The following GTF2F2 variants were observed in gnomAD, a reference collection of about 807,000 sequenced individuals.
GTF2F2 encodes general transcription factor IIF subunit 2.
GTF2F2 carries 23 observed loss-of-function variants against 42.2 expected under a neutral mutation model. That is an observed-to-expected ratio of 0.55 (90% CI 0.39 to 0.77). GTF2F2 has a LOEUF of 0.77. Among genes scored for constraint, GTF2F2 ranks in the 30% least tolerant of loss-of-function variants. The probability of loss-of-function intolerance (pLI) is 0.00; values close to 1 mark genes in which losing one functional copy is unlikely to be tolerated. For synonymous variants in GTF2F2, 105 were observed against 100.8 expected (o/e 1.04, Z -0.25); for missense variants, 261 against 287.2 (o/e 0.91, Z 0.66).
chr13:45,125,558 G>A (rs1217943416), intron 1 of GTF2F2, among the ~76,000 whole-genome samples: 4 of 152,132 alleles, frequency 2.6e-5, no homozygotes, highest in African/African-American at 9.7e-5. Flanking sequence ...GACCTCGTTC[G>A]TGATCTGCCC....
intron 6 of GTF2F2, among the ~76,000 whole-genome samples, chr13:45,259,225 G>A (rs951551579): frequency 6.6e-6 from 1 of 152,088 alleles, no homozygotes; most frequent in African/African-American, 2.4e-5. Context: ...TCAGAAGTTC[G>A]AGACCAGCCT....
At chr13:45,160,331 A>G (rs1158840435) in intron 4 of GTF2F2, among the ~76,000 whole-genome samples, 1 of 152,234 alleles carries the variant, frequency 6.6e-6, no homozygotes, top group African/African-American at 2.4e-5. Context: ...AGGGAGGAGT[A>G]ATTAGTAGCA....
intron 7 of GTF2F2, among the ~76,000 whole-genome samples, chr13:45,268,097 A>T (rs762313941): frequency 6.6e-6 from 1 of 152,122 alleles, no homozygotes; most frequent in Non-Finnish European, 1.5e-5. Flanking sequence ...TTTGAGTCAC[A>T]TTGTTTTCCA....
chr13:45,205,498 A>G (rs945469896), intron 4 of GTF2F2, among the ~76,000 whole-genome samples: 3 of 152,120 alleles, frequency 2.0e-5, no homozygotes, highest in Non-Finnish European at 4.4e-5. Context: ...AATTATTTGC[A>G]GGGATAGTAG....
intron 5 of GTF2F2, among the ~76,000 whole-genome samples, chr13:45,232,849 G>A (rs894976337): frequency 3.3e-5 from 5 of 152,114 alleles, no homozygotes; most frequent in African/African-American, 1.2e-4. Context: ...TAGTGTAAGT[G>A]TGTACTTTGC....
intron 4 of GTF2F2, among the ~76,000 whole-genome samples, chr13:45,185,674 A>G (rs60422159): frequency 0.1 from 15,669 of 152,242 alleles, 948 homozygotes; most frequent in East Asian, 0.23. Context: ...TAATATATGC[A>G]TATTCCAGAA....
chr13:45,239,282 G>A (rs1042808717), intron 5 of GTF2F2, among the ~76,000 whole-genome samples: 5 of 152,194 alleles, frequency 3.3e-5, no homozygotes, highest in Non-Finnish European at 5.9e-5. Flanking sequence ...AGGAAACTAC[G>A]TAAGATAGTA....
chr13:45,252,913 A>G lies in GTF2F2; in HGVS notation c.429A>G (p.Gln143=). 1 of 1,512,788 alleles carries G rather than the reference A, an allele frequency of 6.6e-7. No individual in the cohort carries two copies. The highest frequency in any genetic ancestry group is 8.8e-7 in the Non-Finnish European group (1 of 1,137,632). The allele number at this position is 1,512,788 out of a possible 1,614,324, so 93.7% of individuals were successfully genotyped here. ...EESSKPVRLS[Q]QLDKVVTTNY... ...CTTCCAAACCAGTGAGGCTATCACA[A>G]CAGCTGGACAAAGTTGTAACAACCA... Residue 143 remains glutamine (Q), a synonymous_variant, in exon 6 of 8, where the codon CAA becomes CAG. Coordinates refer to ENST00000340473, the MANE Select transcript of GTF2F2 (RefSeq NM_004128.3).
intron 4 of GTF2F2, among the ~76,000 whole-genome samples, chr13:45,170,037 A>G (rs971388099): frequency 6.6e-6 from 1 of 152,032 alleles, no homozygotes; most frequent in African/African-American, 2.4e-5. Flanking sequence ...TTATTTATTT[A>G]TTTAGAGACA....
chr13:45,207,005 A>AACACAC (rs10547539), intron 4 of GTF2F2: 10,306 of 139,212 alleles, frequency 0.074, 695 homozygotes, highest in African/African-American at 0.17. Context: ...CACATACACA[A>AACACAC]ACACACACAC....
rs183541796 is a variant in GTF2F2, at chr13:45,196,166, A to G, written c.305-11258A>G. ...TAACATTTATGTATTATTGAGATCAAAAGTTCGTTGAAATCGAACTAGAAA... is the reference window on the plus strand; with the variant it reads ...TAACATTTATGTATTATTGAGATCAGAAGTTCGTTGAAATCGAACTAGAAA... On this transcript the variant is annotated intron_variant, in intron 4 of 7. Transcript: ENST00000340473. 2.6e-5 allele frequency among the ~76,000 whole-genome samples: 4 copies of G among 152,362 alleles called. No individual in the cohort carries two copies. The East Asian group carries it at 7.7e-4, about 29-fold the overall frequency.
intron 2 of GTF2F2, among the ~76,000 whole-genome samples, chr13:45,140,479 T>C (rs1869871066): frequency 6.6e-6 from 1 of 152,232 alleles, no homozygotes; most frequent in Non-Finnish European, 1.5e-5. Context: ...TCACTGAATC[T>C]TCTGACTTTA....
In GTF2F2 at chr13:45,136,789, G is replaced by GA. The variant is rs752227528; in HGVS notation, c.126dup (p.Leu43ThrfsTer11). 6.3e-7 allele frequency: 1 copy of GA among 1,588,104 alleles called. No homozygotes were observed. The highest frequency in any genetic ancestry group is 1.1e-5 in the South Asian group (1 of 90,098). On this transcript the variant is annotated frameshift_variant, in exon 2 of 8. Coordinates refer to ENST00000340473, the MANE Select transcript of GTF2F2 (RefSeq NM_004128.3). LOFTEE classifies it high-confidence loss of function. ...AAGCCTCTGGAAGAGGTGAAGTTGG[G>GA]AAACTGCGGATTGCCAAGTAAGTTA...
chr13:45,211,968 C>T (rs187482365), intron 5 of GTF2F2, among the ~76,000 whole-genome samples: 1 of 152,002 alleles, frequency 6.6e-6, no homozygotes, highest in Non-Finnish European at 1.5e-5. Context: ...CACACACACA[C>T]ACGCACACAC....
intron 7 of GTF2F2, among the ~76,000 whole-genome samples, chr13:45,272,303 T>C (rs944845781): frequency 2.0e-5 from 3 of 151,138 alleles, no homozygotes; most frequent in Non-Finnish European, 2.9e-5. Flanking sequence ...ATTTATAAAA[T>C]TTTAATACTT....
intron 7 of GTF2F2, among the ~76,000 whole-genome samples, chr13:45,280,619 C>G (rs1467146488): frequency 6.6e-6 from 1 of 152,012 alleles, no homozygotes; most frequent in Non-Finnish European, 1.5e-5. Context: ...CTTATTGTTA[C>G]AAGGAAAAAA....
chr13:45,124,158 C>T (rs913933134), intron 1 of GTF2F2: 11 of 556,430 alleles, frequency 2.0e-5, no homozygotes, highest in Non-Finnish European at 2.7e-5. Context: ...TCTCGGCTCA[C>T]TGCAAGCTCC....
chr13:45,188,705 G>A (rs1872519543), intron 4 of GTF2F2, among the ~76,000 whole-genome samples: 1 of 152,144 alleles, frequency 6.6e-6, no homozygotes, highest in Non-Finnish European at 1.5e-5. Flanking sequence ...CAAGTTAGTG[G>A]AAGTTAATGG....
At chr13:45,177,455 C>G (rs1422386545) in intron 4 of GTF2F2, among the ~76,000 whole-genome samples, 1 of 152,160 alleles carries the variant, frequency 6.6e-6, no homozygotes, top group East Asian at 1.9e-4. Context: ...GAATGATGAA[C>G]TCTCGGGCCA....
Sources: gnomAD v4.1 joint callset for allele counts (sites outside exome capture counted in the v4.1 genomes callset) on GRCh38, gnomAD v4.1.1 for gene constraint, MANE v1.5 for transcripts, NCBI Gene and HGNC (gene_info 2026-07-23, HGNC 2026-07-21) for gene names.